The following AUTS2 variants were observed in gnomAD, a reference collection of about 807,000 sequenced individuals.
AUTS2 encodes the protein autism susceptibility gene 2 protein.
AUTS2 carries 17 observed loss-of-function variants against 112.4 expected under a neutral mutation model. The ratio of observed to expected loss-of-function variants is 0.15; its 90% CI spans 0.10 to 0.23. The LOEUF (loss-of-function observed/expected upper bound fraction) is 0.23. Among genes scored for constraint, AUTS2 ranks in the 10% least tolerant of loss-of-function variants. The pLI, the probability that AUTS2 is intolerant of heterozygous loss-of-function variation, is 1.00. For synonymous variants in AUTS2, 751 were observed against 702.7 expected (o/e 1.07, Z -1.09); for missense variants, 1,510 against 1,701.6 (o/e 0.89, Z 1.98).
intron 2 of AUTS2, among the ~76,000 whole-genome samples, chr7:69,955,255 T>G (rs1169455036): frequency 6.6e-6 from 1 of 152,142 alleles, no homozygotes; most frequent in Admixed American, 6.6e-5. Flanking sequence ...TACAGACCAT[T>G]ATCTCTTCTG....
chr7:70,340,163 A>AACACACACACACACACACACAC (rs71077652), intron 4 of AUTS2, among the ~76,000 whole-genome samples: 147 of 144,764 alleles, frequency 1.0e-3, no homozygotes, highest in African/African-American at 3.3e-3. Context: ...TATGGAGAGA[A>AACACACACACACACACACACAC]ACACACACAC....
intron 1 of AUTS2, among the ~76,000 whole-genome samples, chr7:69,797,443 G>T (rs1310399715): frequency 6.6e-6 from 1 of 152,176 alleles, no homozygotes; most frequent in Non-Finnish European, 1.5e-5. Context: ...GAAGGCAGTG[G>T]TTCCCCTTCA....
At chr7:69,685,145 C>G (rs1860488) in intron 1 of AUTS2, among the ~76,000 whole-genome samples, 93,514 of 152,140 alleles carry the variant, frequency 0.61, 29,059 homozygotes, top group East Asian at 0.7. Flanking sequence ...GGCTCTCTCC[C>G]TAAGGCAGCT....
At chr7:70,655,695 T>G (rs1239083217) in intron 5 of AUTS2, among the ~76,000 whole-genome samples, 1 of 152,192 alleles carries the variant, frequency 6.6e-6, no homozygotes, top group Non-Finnish European at 1.5e-5. Flanking sequence ...TTGCCGTTAT[T>G]GGCTTAGACC....
chr7:69,902,477 A>C (rs533635146), intron 2 of AUTS2, among the ~76,000 whole-genome samples: 1 of 152,328 alleles, frequency 6.6e-6, no homozygotes, highest in South Asian at 2.1e-4. Context: ...ACTACAGATG[A>C]AATAGGGAAG....
At chr7:70,584,701 C>T (rs919825755) in intron 5 of AUTS2, among the ~76,000 whole-genome samples, 7 of 152,280 alleles carry the variant, frequency 4.6e-5, no homozygotes, top group Non-Finnish European at 1.0e-4. Context: ...CACCCCTTCA[C>T]ACCACAGGCC....
At chr7:69,962,980 G>A (rs1214426060) in intron 2 of AUTS2, among the ~76,000 whole-genome samples, 1 of 152,146 alleles carries the variant, frequency 6.6e-6, no homozygotes, top group Non-Finnish European at 1.5e-5. Flanking sequence ...GCATTCAGAT[G>A]TTCTGCCAGA....
At chr7:70,583,143 C>A (rs1585331829) in intron 5 of AUTS2, among the ~76,000 whole-genome samples, 1 of 152,218 alleles carries the variant, frequency 6.6e-6, no homozygotes, top group African/African-American at 2.4e-5. Flanking sequence ...TTAGCCTAGT[C>A]TCCAGAAGTG....
chr7:70,515,347 C>G (rs1263731379), intron 5 of AUTS2, among the ~76,000 whole-genome samples: 1 of 152,140 alleles, frequency 6.6e-6, no homozygotes. Context: ...GGACCTGAAC[C>G]TAAACCATGA....
chr7:70,360,198 G>A (rs1026608481), intron 4 of AUTS2, among the ~76,000 whole-genome samples: 1 of 152,148 alleles, frequency 6.6e-6, no homozygotes, highest in Non-Finnish European at 1.5e-5. Context: ...TGCGATCATA[G>A]CTCACTGGAG....
rs938066462 is a variant in AUTS2 at position 69,860,048 on chromosome 7, TTTG to T, written c.310-39226_310-39224del. Among the ~76,000 whole-genome samples, 15 of 152,168 alleles carry T rather than the reference TTTG, an allele frequency of 9.9e-5. No homozygotes were observed. In the South Asian group the frequency reaches 1.0e-3, roughly 11 times the overall value. On this transcript the variant is annotated intron_variant, in intron 1 of 18. Transcript: ENST00000342771. ...CCTGCCTGACAAAGAGGTGTTTTTT[TTTG>T]TTGTTGTTGTTTTTTGTTTTATTTT...
At chr7:70,771,270 C>G (rs1356816810) in intron 10 of AUTS2, 1 of 236,890 alleles carries the variant, frequency 4.2e-6, no homozygotes, top group Non-Finnish European at 8.1e-6. Context: ...GGACTTCTAT[C>G]TGATTTAACA....
At chr7:69,739,563 A>G (rs939229691) in intron 1 of AUTS2, among the ~76,000 whole-genome samples, 2 of 152,176 alleles carry the variant, frequency 1.3e-5, no homozygotes, top group Non-Finnish European at 2.9e-5. Context: ...AAAGAAAACA[A>G]CAACCAAAAA....
At chr7:70,110,411 G>A (rs1805008154) in intron 2 of AUTS2, among the ~76,000 whole-genome samples, 1 of 152,144 alleles carries the variant, frequency 6.6e-6, no homozygotes, top group African/African-American at 2.4e-5. Flanking sequence ...AGCTACTCGG[G>A]AGGCCAAGGC....
At chr7:69,917,822 T>TTTGTTGTTG (rs58362194) in intron 2 of AUTS2, among the ~76,000 whole-genome samples, 2,562 of 149,204 alleles carry the variant, frequency 0.017, 64 homozygotes, top group African/African-American at 0.048. Flanking sequence ...CAAGGACACC[T>TTTGTTGTTG]TTGTTGTTGT....
chr7:70,660,182 A>C (rs949850145), intron 5 of AUTS2, among the ~76,000 whole-genome samples: 17 of 152,124 alleles, frequency 1.1e-4, no homozygotes, highest in African/African-American at 4.1e-4. Context: ...GTCTCAAAAA[A>C]AAAAAGAAAA....
At chr7:70,744,770 G>GC (rs1164905768) in intron 6 of AUTS2, among the ~76,000 whole-genome samples, 2 of 152,116 alleles carry the variant, frequency 1.3e-5, no homozygotes, top group Non-Finnish European at 2.9e-5. Context: ...TGACACGTGA[G>GC]CCCCCCTTGG....
At chr7:69,635,387 G>C (rs1322124668) in intron 1 of AUTS2, among the ~76,000 whole-genome samples, 1 of 152,176 alleles carries the variant, frequency 6.6e-6, no homozygotes, top group East Asian at 1.9e-4. Flanking sequence ...GGTGTTTTAT[G>C]ATGGCTGAAA....
intron 2 of AUTS2, among the ~76,000 whole-genome samples, chr7:69,991,929 C>T (rs1053009370): frequency 2.0e-5 from 3 of 152,144 alleles, no homozygotes; most frequent in Non-Finnish European, 4.4e-5. Context: ...GAACATACCT[C>T]CTCTGTACTA....
Sources: gnomAD v4.1 joint callset for allele counts (sites outside exome capture counted in the v4.1 genomes callset) on GRCh38, gnomAD v4.1.1 for gene constraint, MANE v1.5 for transcripts, NCBI Gene and HGNC (gene_info 2026-07-23, HGNC 2026-07-21) for gene names.